NEB: variants seen among roughly 807,000 people sequenced by gnomAD.
NEB encodes nebulin.
NEB carries 512 observed loss-of-function variants against 952.2 expected under a neutral mutation model. That is an observed-to-expected ratio of 0.54 (90% CI 0.50 to 0.58). NEB has a LOEUF of 0.58. NEB is among the 20% of genes least tolerant of loss of function. The pLI is 0.00. For missense variants in NEB, 8,428 were observed against 9,231.1 expected (o/e 0.91, Z 3.56); for synonymous variants, 2,900 against 3,149.8 (o/e 0.92, Z 2.66).
At chr2:151,650,056 T>G in intron 54 of NEB, 120 bp downstream of exon 54, 1 of 897,658 alleles carries the variant, frequency 1.1e-6, no homozygotes, top group African/African-American at 1.7e-5. Flanking sequence ...CAATATAAAA[T>G]TTTATGTGGT....
In NEB at chr2:151,618,299, T is replaced by A. The variant is rs2098272636; in HGVS notation, c.11052A>T (p.Lys3684Asn). 6.2e-7 allele frequency: 1 copy of A among 1,613,854 alleles called. No homozygotes were observed. Among genetic ancestry groups the A allele is most frequent in the African/African-American group, 1.3e-5 (1 of 74,918 alleles). ...ITDTPEQVLA[K>N]NNALNMNKRL... ...CCTTATTCATGTTTAAAGCATTGTTTTTTGCCAGCACCTGCTCCGGAGTGT... is the reference window on the plus strand; with the variant it reads ...CCTTATTCATGTTTAAAGCATTGTTATTTGCCAGCACCTGCTCCGGAGTGT... Residue 3684 changes from lysine (K) to asparagine (N), a missense_variant, in exon 74 of 182, where the codon AAA becomes AAT. By Grantham distance (94) the Lys-to-Asn change is moderately conservative. Around this residue, in one of 11 missense-constraint regions of NEB, gnomAD observed 1,772 missense variants for 1,960.3 expected, o/e 0.90. Coordinates refer to ENST00000397345, the MANE Select transcript of NEB (RefSeq NM_001164508.2).
chr2:151,570,339 G>A lies in NEB; in HGVS notation c.17172C>T (p.Leu5724=), dbSNP rs2096580197. The A allele has an allele frequency of 1.2e-6, 2 of 1,604,328 alleles. No homozygotes were observed. Among genetic ancestry groups the A allele is most frequent in the Non-Finnish European group, 1.7e-6 (2 of 1,173,578 alleles). Residue 5724 remains leucine, a synonymous_variant, in exon 109 of 182, where the codon CTC becomes CTT. Transcript: ENST00000397345. ...GGATCTTGTTGTCATCCCTGGCTGT[G>A]AGGGTGCCCACGTAGTGTCCCTTCT... ...EKQKGHYVGT[L]TARDDNKIRW...
At chr2:151,496,841 A>G in intron 172 of NEB, 100 bp downstream of exon 172, 1 of 1,348,476 alleles carries the variant, frequency 7.4e-7, no homozygotes, top group Non-Finnish European at 1.0e-6. Context: ...AGAAGTTCAC[A>G]AAATTTGTCT....
intron 128 of NEB, among the ~76,000 whole-genome samples, chr2:151,552,052 G>A (rs766675115): frequency 2.0e-5 from 3 of 152,116 alleles, no homozygotes; most frequent in African/African-American, 7.2e-5. Context: ...GGAAGGGTGG[G>A]CATTTTACCA....
chr2:151,629,723 C>A, intron 67 of NEB, 77 bp from the exon 68 acceptor site: 3 of 1,252,858 alleles, frequency 2.4e-6, no homozygotes, highest in African/African-American at 1.5e-5. Context: ...GACTTATATC[C>A]TAAAATTTAA....
intron 58 of NEB, 85 bp downstream of exon 58, chr2:151,643,065 A>C: frequency 7.1e-7 from 1 of 1,414,324 alleles, no homozygotes; most frequent in South Asian, 1.3e-5. Flanking sequence ...GGAATCAAAA[A>C]CAAGTTTTCT....
chr2:151,723,746 CTTTG>C lies in NEB; in HGVS notation c.613-264_613-261del, dbSNP rs1412330072. On this transcript the variant is annotated intron_variant, in intron 8 of 181. Coordinates refer to ENST00000397345, the MANE Select transcript of NEB (RefSeq NM_001164508.2). The stretch of plus-strand genomic sequence containing the variant: ...TTTTCTCTGTGACTCTACCTGCCTT[CTTTG>C]TTTTTTTTTTTTTTTTTTTTTTTTG... 1.5e-3 allele frequency among the ~76,000 whole-genome samples: 86 copies of C among 55,882 alleles called. 1 individual carries two copies. In the East Asian group the frequency reaches 0.018, roughly 12 times the overall value. 36.7% of individuals were successfully genotyped at this position (55,882 alleles called of 152,430 possible).
intron 44 of NEB, 44 bp from the exon 45 acceptor site, chr2:151,663,903 G>T: frequency 1.3e-6 from 2 of 1,555,018 alleles, no homozygotes; most frequent in South Asian, 2.3e-5. Flanking sequence ...TGGTAAAAGA[G>T]AACAAAGTAC....
At position 151,642,753 on chromosome 2, in the gene NEB, T is replaced by C. The variant is rs1272609281; in HGVS notation, c.8265+12A>G. ...AGGAAAATGTATCACGCACTATGAA[T>C]ATATTACTTACCTCACTGTAATTTA... On this transcript the variant is annotated intron_variant, in intron 59 of 181. Coordinates refer to ENST00000397345, the MANE Select transcript of NEB (RefSeq NM_001164508.2). 2 of 1,604,710 alleles carry C rather than the reference T, an allele frequency of 1.2e-6. No individual in the cohort carries two copies. Among genetic ancestry groups the C allele is most frequent in the Non-Finnish European group, 1.7e-6 (2 of 1,172,802 alleles).
intron 75 of NEB, 75 bp from the exon 76 acceptor site, chr2:151,616,184 TC>T: frequency 9.4e-7 from 1 of 1,065,120 alleles, no homozygotes; most frequent in Non-Finnish European, 1.4e-6. Flanking sequence ...TTTTTCTTTG[TC>T]CTCATTTAAA....
intron 162 of NEB, 174 bp from the exon 163 acceptor site, chr2:151,507,187 A>G: frequency 1.8e-6 from 1 of 549,152 alleles, no homozygotes; most frequent in Non-Finnish European, 3.2e-6. Context: ...TTGTGGAGAA[A>G]CTAATTTTAA....
At chr2:151,567,965 C>T (rs554287308) in intron 113 of NEB, 106 bp downstream of exon 113, 7 of 826,084 alleles carry the variant, frequency 8.5e-6, no homozygotes, top group South Asian at 6.8e-5. Context: ...GTCTGCCACA[C>T]TGAAACTGAA....
chr2:151,487,011 T>C (rs1018347927), intron 181 of NEB, among the ~76,000 whole-genome samples: 1 of 152,304 alleles, frequency 6.6e-6, no homozygotes, highest in East Asian at 1.9e-4. Flanking sequence ...TTGTACACTT[T>C]ATGAACTTCA....
intron 13 of NEB, among the ~76,000 whole-genome samples, chr2:151,698,690 T>C (rs1350849531): frequency 6.8e-6 from 1 of 147,108 alleles, no homozygotes; most frequent in East Asian, 2.0e-4. Context: ...CAGGCTGGAG[T>C]GCAGTGGCAC....
In NEB at chr2:151,665,515, T is replaced by C. The variant is rs369533357; in HGVS notation, c.5056A>G (p.Asn1686Asp). 2.4e-5 allele frequency: 39 copies of C among 1,608,764 alleles called. No homozygotes were observed. The highest frequency in any genetic ancestry group is 3.1e-5 in the Non-Finnish European group (36 of 1,177,636). ...SDNLYKSDFT[N>D]WMKGIGWVPI... is the part of the protein sequence containing the mutation. ...ACCCAGCCGATCCCTTTCATCCAAT[T>C]GGTGAAGTCAGATTTGTACAGATTC... Residue 1686 changes from asparagine (N) to aspartate (D), a missense_variant, in exon 42 of 182, where the codon AAT becomes GAT. Asn to Asp is a conservative substitution (Grantham distance 23). Coordinates refer to ENST00000397345, the MANE Select transcript of NEB (RefSeq NM_001164508.2).
chr2:151,531,104 G>T lies in NEB; in HGVS notation c.21523-3C>A. 1 of 1,585,948 alleles carries T rather than the reference G, an allele frequency of 6.3e-7. No homozygotes were observed. The highest frequency in any genetic ancestry group is 8.6e-7 in the Non-Finnish European group (1 of 1,156,082). ...TTGTATTCCAATTTATAAAGGATCT[G>T]AAAGATCAAAAAGCAGAAAGACATC... is the stretch of plus-strand genomic sequence containing the variant. On this transcript the variant is annotated splice_region_variant and splice_polypyrimidine_tract_variant and intron_variant, in intron 144 of 181. Coordinates refer to ENST00000397345, the MANE Select transcript of NEB (RefSeq NM_001164508.2).
At position 151,508,091 on chromosome 2, in the gene NEB, C is replaced by T. The variant is rs1330783343; in HGVS notation, c.23365G>A (p.Ala7789Thr). The T allele has an allele frequency of 1.2e-6, 2 of 1,606,994 alleles. No homozygotes were observed. The highest frequency in any genetic ancestry group is 1.7e-5 in the Admixed American group (1 of 59,380). Residue 7789 changes from alanine to threonine, a missense_variant, in exon 162 of 182, where the codon GCT becomes ACT. Ala to Thr is a moderately conservative substitution (Grantham distance 58). Coordinates refer to ENST00000397345, the MANE Select transcript of NEB (RefSeq NM_001164508.2). ...LSSQKKYKEDAEKSMSYYETV... is the reference protein window; with the variant it reads ...LSSQKKYKEDTEKSMSYYETV... ...TCATAATACGACATGGACTTCTCAGCATCTTCCTTGTACTTTTTCTGGGAA... is the reference window on the plus strand; with the variant it reads ...TCATAATACGACATGGACTTCTCAGTATCTTCCTTGTACTTTTTCTGGGAA...
chr2:151,518,069 CT>C (rs1384934151), intron 156 of NEB, among the ~76,000 whole-genome samples: 6 of 152,092 alleles, frequency 3.9e-5, no homozygotes, highest in Non-Finnish European at 4.4e-5. Flanking sequence ...GGTTTGTCCC[CT>C]CATAAAACAC....
Position 151,643,912 on chromosome 2 carries a change from T to G in NEB, c.7862A>C (p.Asp2621Ala). Residue 2621 changes from aspartate to alanine, a missense_variant, in exon 57 of 182, where the codon GAC (aspartate) becomes GCC (alanine). By Grantham distance (126) the Asp-to-Ala change is moderately radical. This residue lies in a region of NEB where 1,772 missense variants were observed against 1,960.3 expected (regional missense o/e 0.90). Transcript: ENST00000397345. ...GTGCAGGTAGTTCTTGTAGTCCACGTCGCTGACTAAGGTCTGGCACTTCTT... is the reference window on the plus strand; with the variant it reads ...GTGCAGGTAGTTCTTGTAGTCCACGGCGCTGACTAAGGTCTGGCACTTCTT... The part of the protein sequence containing the change: ...LAKKCQTLVS[D>A]VDYKNYLHQW... 1 of 1,613,954 alleles carries G rather than the reference T, an allele frequency of 6.2e-7. No homozygotes were observed. The highest frequency in any genetic ancestry group is 8.5e-7 in the Non-Finnish European group (1 of 1,179,832).
Sources: gnomAD v4.1 joint callset for allele counts (sites outside exome capture counted in the v4.1 genomes callset) on GRCh38, gnomAD v4.1.1 for gene constraint, gnomAD v4.1.1 regional missense constraint, MANE v1.5 for transcripts, NCBI Gene and HGNC (gene_info 2026-07-23, HGNC 2026-07-21) for gene names.